CNTNAP2: variants seen among roughly 807,000 people sequenced by gnomAD.
The protein encoded by CNTNAP2 is contactin-associated protein-like 2.
CNTNAP2 carries 98 observed loss-of-function variants against 155.2 expected under a neutral mutation model. The ratio of observed to expected loss-of-function variants is 0.63; its 90% CI spans 0.54 to 0.75. CNTNAP2 has a LOEUF of 0.75. Among genes scored for constraint, CNTNAP2 ranks in the 30% least tolerant of loss-of-function variants. The pLI is 0.00. For synonymous variants in CNTNAP2, 651 were observed against 631.2 expected (o/e 1.03, Z -0.47); for missense variants, 1,727 against 1,688.1 (o/e 1.02, Z -0.40).
chr7:146,263,290 G>A (rs1273711892), intron 1 of CNTNAP2, among the ~76,000 whole-genome samples: 2 of 149,652 alleles, frequency 1.3e-5, no homozygotes, highest in African/African-American at 5.1e-5. Flanking sequence ...AGGAAGGAAG[G>A]AAGGAAGGAC....
Position 147,560,599 on chromosome 7 carries a change from G to A in CNTNAP2, c.1778-1539G>A, listed in dbSNP as rs921480584. Among the ~76,000 whole-genome samples, 8 of 152,094 alleles carry A rather than the reference G, an allele frequency of 5.3e-5. No individual in the cohort carries two copies. The South Asian group carries it at 1.7e-3, about 32-fold the overall frequency. ...CTAGCCCCATCCTCTTCTAAGAGCA[G>A]TTTACAAATGAGCAATACCAAAATA... On this transcript the variant is annotated intron_variant, in intron 11 of 23. Transcript: ENST00000361727.
intron 10 of CNTNAP2, among the ~76,000 whole-genome samples, chr7:147,409,634 T>A (rs994342004): frequency 6.6e-6 from 1 of 151,614 alleles, no homozygotes; most frequent in African/African-American, 2.4e-5. Flanking sequence ...TGGGAGAAAA[T>A]TTTTGCAAAC....
chr7:147,286,414 T>TA (rs1805179253), intron 8 of CNTNAP2, among the ~76,000 whole-genome samples: 1 of 152,054 alleles, frequency 6.6e-6, no homozygotes, highest in African/African-American at 2.4e-5. Flanking sequence ...TACTAATATT[T>TA]AATTTAAAAA....
chr7:147,384,436 G>A (rs1417246541), intron 9 of CNTNAP2, among the ~76,000 whole-genome samples: 1 of 152,148 alleles, frequency 6.6e-6, no homozygotes, highest in African/African-American at 2.4e-5. Flanking sequence ...CTGCCTAAAA[G>A]AGATGTGAAT....
chr7:146,510,487 T>C (rs752177523), intron 1 of CNTNAP2, among the ~76,000 whole-genome samples: 2 of 152,196 alleles, frequency 1.3e-5, no homozygotes, highest in African/African-American at 2.4e-5. Context: ...TGGTCCCATG[T>C]ACATTTTAGG....
intron 9 of CNTNAP2, among the ~76,000 whole-genome samples, chr7:147,320,697 G>A (rs1795335114): frequency 6.6e-6 from 1 of 152,152 alleles, no homozygotes; most frequent in Non-Finnish European, 1.5e-5. Context: ...CATAGCCATT[G>A]CTGGTCCATA....
In CNTNAP2 at chr7:146,233,456, CTG is replaced by C. The variant is rs1799418916; in HGVS notation, c.97+116486_97+116487del. 7.2e-5 allele frequency among the ~76,000 whole-genome samples: 8 copies of C among 110,872 alleles called. 1 individual carries two copies. The highest frequency in any genetic ancestry group is 6.8e-4 in the Admixed American group (6 of 8,766). 72.7% of individuals were successfully genotyped at this position (110,872 alleles called of 152,430 possible). A position where few individuals can be genotyped will look rare whatever the true frequency, so the allele number is the denominator to read the frequency against. ...AAGACAAGCCTTTTCAGAATATACT[CTG>C]TGACTCTTTTTTTTTTATTATTATA... On this transcript the variant is annotated intron_variant, in intron 1 of 23. Transcript: ENST00000361727.
intron 10 of CNTNAP2, among the ~76,000 whole-genome samples, chr7:147,441,848 TCTC>T (rs1797644393): frequency 8.7e-6 from 1 of 114,378 alleles, no homozygotes; most frequent in African/African-American, 3.1e-5. Context: ...TCTCTCTCTC[TCTC>T]CCTCCCTCCC....
rs869125044 is a variant in CNTNAP2 at position 147,062,127 on chromosome 7, C to CAA, written c.550+18115_550+18116dup. On this transcript the variant is annotated intron_variant, in intron 4 of 23. Transcript: ENST00000361727. ...TGGGCGACAGAGCGAGACTCCGTCT[C>CAA]AAAAAAAAAAAAAAAAAAAAAAAAA... Among the ~76,000 whole-genome samples the CAA allele has an allele frequency of 8.0e-3, 357 of 44,902 alleles. 69 individuals are homozygous for CAA. Among genetic ancestry groups the CAA allele is most frequent in the Middle Eastern group, 0.016 (1 of 64 alleles). 29.5% of individuals were successfully genotyped at this position (44,902 alleles called of 152,430 possible). A position where few individuals can be genotyped will look rare whatever the true frequency, so the allele number is the denominator to read the frequency against.
At chr7:148,061,447 A>C (rs1441294677) in intron 15 of CNTNAP2, among the ~76,000 whole-genome samples, 1 of 152,070 alleles carries the variant, frequency 6.6e-6, no homozygotes, top group Non-Finnish European at 1.5e-5. Flanking sequence ...TCCACCTCCC[A>C]GGTTCAAGTG....
At chr7:146,908,067 A>G (rs1022592492) in intron 3 of CNTNAP2, among the ~76,000 whole-genome samples, 1 of 152,128 alleles carries the variant, frequency 6.6e-6, no homozygotes, top group Non-Finnish European at 1.5e-5. Context: ...CCATTACATA[A>G]TGGTAAAGGG....
chr7:147,007,698 C>T (rs1387727149), intron 3 of CNTNAP2, among the ~76,000 whole-genome samples: 1 of 150,934 alleles, frequency 6.6e-6, no homozygotes, highest in Non-Finnish European at 1.5e-5. Context: ...AATGTAAATT[C>T]AGCTTTCATA....
At chr7:146,907,888 G>T (rs1796174411) in intron 3 of CNTNAP2, among the ~76,000 whole-genome samples, 1 of 152,198 alleles carries the variant, frequency 6.6e-6, no homozygotes, top group Non-Finnish European at 1.5e-5. Context: ...CCATCAGTGT[G>T]CTGTCTTCAG....
At chr7:147,917,276 G>A (rs75957314) in intron 14 of CNTNAP2, among the ~76,000 whole-genome samples, 3,732 of 152,294 alleles carry the variant, frequency 0.025, 162 homozygotes, top group African/African-American at 0.085. Flanking sequence ...ATTTCCTGAG[G>A]TTTCTAATGT....
At chr7:147,296,566 G>A (rs1805450234) in intron 8 of CNTNAP2, among the ~76,000 whole-genome samples, 1 of 152,178 alleles carries the variant, frequency 6.6e-6, no homozygotes, top group Non-Finnish European at 1.5e-5. Context: ...ATAAAACTCT[G>A]GGATTAAATG....
At chr7:146,473,233 T>C (rs982215836) in intron 1 of CNTNAP2, among the ~76,000 whole-genome samples, 3 of 152,054 alleles carry the variant, frequency 2.0e-5, no homozygotes, top group Non-Finnish European at 2.9e-5. Context: ...AAGGTGCCCA[T>C]AGACAATTCT....
intron 11 of CNTNAP2, among the ~76,000 whole-genome samples, chr7:147,532,956 A>G (rs1380112031): frequency 2.6e-5 from 4 of 152,208 alleles, no homozygotes; most frequent in Non-Finnish European, 5.9e-5. Context: ...AACCATATCA[A>G]TATCTTACTT....
intron 1 of CNTNAP2, among the ~76,000 whole-genome samples, chr7:146,622,832 C>T (rs575390169): frequency 6.6e-6 from 1 of 152,068 alleles, no homozygotes; most frequent in Admixed American, 6.6e-5. Flanking sequence ...TGGCCTGTAC[C>T]TGTAGTCCCA....
intron 13 of CNTNAP2, among the ~76,000 whole-genome samples, chr7:147,771,027 G>T (rs1415064992): frequency 6.6e-6 from 1 of 152,002 alleles, no homozygotes; most frequent in Non-Finnish European, 1.5e-5. Context: ...ATAGAATAGA[G>T]GACTCAAAAA....
Sources: gnomAD v4.1 joint callset for allele counts (sites outside exome capture counted in the v4.1 genomes callset) on GRCh38, gnomAD v4.1.1 for gene constraint, MANE v1.5 for transcripts, NCBI Gene and HGNC (gene_info 2026-07-23, HGNC 2026-07-21) for gene names.